Variants in COL9A1 observed in about 807,000 individuals in gnomAD.
COL9A1 encodes the protein collagen alpha-1(IX) chain.
In COL9A1, 104 loss-of-function variants were observed where a neutral mutation model predicts 142.6. The observed-to-expected ratio is 0.73, with a 90% CI of 0.62 to 0.86. The LOEUF is 0.86. Ranked by LOEUF, COL9A1 falls within the 40% of genes least tolerant of loss-of-function variation. The pLI, the probability that COL9A1 is intolerant of heterozygous loss-of-function variation, is 0.00. For synonymous variants in COL9A1, 466 were observed against 396.0 expected (o/e 1.18, Z -2.10); for missense variants, 1,210 against 1,176.6 (o/e 1.03, Z -0.42).
chr6:70,247,626 TTGC>T (rs999109459), intron 28 of COL9A1, among the ~76,000 whole-genome samples: 2 of 152,254 alleles, frequency 1.3e-5, no homozygotes, highest in African/African-American at 4.8e-5. Context: ...TTTCTATAGA[TTGC>T]TGCTTTTATA....
In COL9A1 at chr6:70,296,601, G is replaced by A. The variant is rs1190960136; in HGVS notation, c.300-2038C>T. On this transcript the variant is annotated intron_variant, in intron 4 of 37. Transcript: ENST00000357250. ...CTATTCTGGAATAACCTCTAGAAGAGAAGCTAAGATTCACTATTCACAATA... is the reference window on the plus strand; with the variant it reads ...CTATTCTGGAATAACCTCTAGAAGAAAAGCTAAGATTCACTATTCACAATA... 2.6e-5 allele frequency among the ~76,000 whole-genome samples: 4 copies of A among 152,130 alleles called. No individual in the cohort carries two copies. In the East Asian group the frequency reaches 5.8e-4, roughly 22 times the overall value.
At chr6:70,232,949 G>C (rs185933200) in intron 35 of COL9A1, among the ~76,000 whole-genome samples, 178 bp from the exon 36 acceptor site, 2 of 152,080 alleles carry the variant, frequency 1.3e-5, no homozygotes, top group African/African-American at 4.8e-5. Context: ...AGAAAGCTTC[G>C]CTGGTGCTGT....
At chr6:70,277,414 T>C (rs920687937) in intron 10 of COL9A1, among the ~76,000 whole-genome samples, 1 of 151,212 alleles carries the variant, frequency 6.6e-6, no homozygotes, top group African/African-American at 2.4e-5. Context: ...ACACACATAA[T>C]ACATACATAA....
chr6:70,286,973 G>A (rs1469083778), intron 5 of COL9A1, among the ~76,000 whole-genome samples: 2 of 152,198 alleles, frequency 1.3e-5, no homozygotes, highest in African/African-American at 4.8e-5. Flanking sequence ...ACACAAAAAT[G>A]TCTACCATAT....
chr6:70,277,295 A>G (rs1241421913), intron 10 of COL9A1, among the ~76,000 whole-genome samples: 1 of 152,168 alleles, frequency 6.6e-6, no homozygotes, highest in African/African-American at 2.4e-5. Context: ...CAGTTGTCCT[A>G]AGGTTAGGAC....
chr6:70,302,571 C>T (rs774873558), intron 1 of COL9A1, among the ~76,000 whole-genome samples: 3 of 152,030 alleles, frequency 2.0e-5, no homozygotes, highest in South Asian at 2.1e-4. Flanking sequence ...ACCCCACTGT[C>T]GTTGTTGTTT....
At position 70,252,312 on chromosome 6, in the gene COL9A1, T is replaced by TACC. The variant is rs775617297; in HGVS notation, c.1765_1767dup (p.Gly589dup). 1 of 1,614,064 alleles carries TACC rather than the reference T, an allele frequency of 6.2e-7. No homozygotes were observed. Among genetic ancestry groups the TACC allele is most frequent in the Middle Eastern group, 1.6e-4 (1 of 6,062 alleles). On this transcript the variant is annotated inframe_insertion, in exon 27 of 38. Coordinates refer to ENST00000357250, the MANE Select transcript of COL9A1 (RefSeq NM_001851.6). The stretch of plus-strand genomic sequence containing the variant: ...CCAGGCTTCCCTGGAGCACCTGTGC[T>TACC]ACCCTAAGGGTAAAATGCAACATCC...
intron 1 of COL9A1, among the ~76,000 whole-genome samples, chr6:70,302,485 A>G (rs1489678930): frequency 6.6e-6 from 1 of 151,802 alleles, no homozygotes; most frequent in Non-Finnish European, 1.5e-5. Context: ...TGGGATTACA[A>G]GCATAAGCCA....
chr6:70,243,411 T>G (rs1001539180), intron 28 of COL9A1, among the ~76,000 whole-genome samples: 2 of 152,248 alleles, frequency 1.3e-5, no homozygotes, highest in Admixed American at 6.5e-5. Context: ...TTTCAAATTT[T>G]TATTTGAAAT....
chr6:70,250,423 A>T (rs1261227603), intron 28 of COL9A1, among the ~76,000 whole-genome samples: 1 of 152,212 alleles, frequency 6.6e-6, no homozygotes, highest in African/African-American at 2.4e-5. Context: ...TAACTTGTGG[A>T]AAGTATTTTA....
At chr6:70,243,446 A>T (rs1770394667) in intron 28 of COL9A1, among the ~76,000 whole-genome samples, 1 of 152,218 alleles carries the variant, frequency 6.6e-6, no homozygotes, top group Non-Finnish European at 1.5e-5. Flanking sequence ...ATCTATTGAG[A>T]AAAAGAAACA....
Position 70,280,859 on chromosome 6 carries a change from G to T in COL9A1, c.928C>A (p.Pro310Thr). The change falls in exon 10 of 38, where the codon CCG (proline) becomes ACG (threonine). Residue 310 changes from proline (P) to threonine (T), a missense_variant. Physicochemically the swap from Pro to Thr is conservative, Grantham distance 38. Transcript: ENST00000357250. Reference sequence around the variant, plus strand: ...TTGCCTGGAGCTCCTGGCTTTCCCGGTTCACCTGCAGGACCCTGAGCAGGG... The same window carrying T: ...TTGCCTGGAGCTCCTGGCTTTCCCGTTTCACCTGCAGGACCCTGAGCAGGG... ...PPGPPGPAGE[P>T]GKPGAPGKPG... 6.2e-7 allele frequency: 1 copy of T among 1,613,500 alleles called. No homozygotes were observed. Among genetic ancestry groups the T allele is most frequent in the Non-Finnish European group, 8.5e-7 (1 of 1,179,878 alleles).
chr6:70,229,208 T>A (rs1330675088), intron 36 of COL9A1, among the ~76,000 whole-genome samples: 5 of 152,182 alleles, frequency 3.3e-5, no homozygotes, highest in Non-Finnish European at 7.4e-5. Flanking sequence ...AAACTGCTAC[T>A]CCACAGCAAA....
chr6:70,254,091 G>A (rs2127576011), intron 25 of COL9A1, among the ~76,000 whole-genome samples: 1 of 152,190 alleles, frequency 6.6e-6, no homozygotes, highest in South Asian at 2.1e-4. Context: ...AATCTAAGGG[G>A]TCACCTGAGT....
In COL9A1 at chr6:70,285,034, A is replaced by G. The variant is rs576707461; in HGVS notation, c.697-1214T>C. ...CCACAGAGGAAGGGAAAGTTTAACAAAAGGAAGTTTTGGCTAACCAGAAAA... is the reference window on the plus strand; with the variant it reads ...CCACAGAGGAAGGGAAAGTTTAACAGAAGGAAGTTTTGGCTAACCAGAAAA... On this transcript the variant is annotated intron_variant, in intron 5 of 37. Transcript: ENST00000357250. 1.7e-4 allele frequency among the ~76,000 whole-genome samples: 26 copies of G among 152,352 alleles called. No homozygotes were observed. In the East Asian group the frequency reaches 4.8e-3, roughly 28 times the overall value.
intron 35 of COL9A1, among the ~76,000 whole-genome samples, chr6:70,234,132 T>C (rs1769733951): frequency 6.6e-6 from 1 of 152,190 alleles, no homozygotes. Context: ...CATTTACTTC[T>C]CACAAAATGT....
At position 70,252,245 on chromosome 6, in the gene COL9A1, G is replaced by T; in HGVS notation, c.1818+17C>A. On this transcript the variant is annotated intron_variant, in intron 27 of 37. Coordinates refer to ENST00000357250, the MANE Select transcript of COL9A1 (RefSeq NM_001851.6). ...ACAACAGGTTAGAACTTCAGGAGAG[G>T]TAAAATGGTGTCTTACCGGTTTGCC... The T allele has an allele frequency of 6.2e-7, 1 of 1,614,156 alleles. No individual in the cohort carries two copies. The highest frequency in any genetic ancestry group is 1.1e-5 in the South Asian group (1 of 91,080).
chr6:70,264,864 T>A (rs1771914424), intron 18 of COL9A1, among the ~76,000 whole-genome samples: 1 of 152,108 alleles, frequency 6.6e-6, no homozygotes, highest in South Asian at 2.1e-4. Context: ...GTTTTAAAGA[T>A]CTTCATTAAC....
chr6:70,285,964 C>T (rs1179535814), intron 5 of COL9A1, among the ~76,000 whole-genome samples: 1 of 152,294 alleles, frequency 6.6e-6, no homozygotes, highest in Non-Finnish European at 1.5e-5. Flanking sequence ...TCTTGGCTCA[C>T]TGCAGCCTCC....
Sources: allele counts gnomAD v4.1 joint callset (sites outside exome capture counted in the v4.1 genomes callset), GRCh38; gene constraint gnomAD v4.1.1; transcripts MANE v1.5; gene names NCBI Gene and HGNC (gene_info 2026-07-23, HGNC 2026-07-21).